The following METAP2 variants were observed in gnomAD, a reference collection of about 807,000 sequenced individuals.
METAP2 encodes methionyl aminopeptidase 2.
Under a neutral mutation model 59.4 loss-of-function variants are expected in METAP2, and 25 were observed. The observed-to-expected ratio is 0.42, with a 90% CI of 0.31 to 0.59. METAP2 has a LOEUF of 0.59. METAP2 is among the 20% of genes least tolerant of loss of function. METAP2 has a pLI of 0.16. For missense variants in METAP2, 366 were observed against 581.2 expected, an observed-to-expected ratio of 0.63 and a Z score of 3.81; for synonymous variants, 214 against 194.1, an observed-to-expected ratio of 1.10 and a Z score of -0.85.
intron 2 of METAP2, chr12:95,482,215 T>A (rs773300400): frequency 2.2e-6 from 1 of 446,532 alleles, no homozygotes; most frequent in Non-Finnish European, 4.5e-6. Context: ...GCTCAGGTGA[T>A]CCTCCCACAT....
At chr12:95,512,119 C>T (rs2076407358) in intron 9 of METAP2, 121 bp downstream of exon 9, 3 of 648,562 alleles carry the variant, frequency 4.6e-6, no homozygotes, top group African/African-American at 3.7e-5. Flanking sequence ...TCCATATTCA[C>T]CCTGCCAGGA....
intron 7 of METAP2, among the ~76,000 whole-genome samples, chr12:95,502,642 C>T (rs117323408): frequency 0.022 from 3,327 of 151,880 alleles, 56 homozygotes; most frequent in Non-Finnish European, 0.034. Context: ...TGGGGAGTTT[C>T]CAGTCATTAC....
intron 2 of METAP2, among the ~76,000 whole-genome samples, chr12:95,478,741 T>C (rs1245506427): frequency 2.6e-5 from 4 of 152,138 alleles, no homozygotes; most frequent in Non-Finnish European, 5.9e-5. Context: ...TTTGGTGGTA[T>C]AAGTGTGGGC....
chr12:95,495,970 T>C (rs921322702), intron 6 of METAP2, 34 bp from the exon 7 acceptor site: 1 of 1,258,752 alleles, frequency 7.9e-7, no homozygotes, highest in Non-Finnish European at 1.1e-6. Context: ...GACTAGCTGA[T>C]AAGTAAAATT....
intron 4 of METAP2, among the ~76,000 whole-genome samples, chr12:95,488,094 G>T (rs568335045): frequency 6.6e-6 from 1 of 152,092 alleles, no homozygotes; most frequent in African/African-American, 2.4e-5. Flanking sequence ...ATAATTTCCA[G>T]TTCTTATACT....
intron 3 of METAP2, among the ~76,000 whole-genome samples, chr12:95,483,923 TTAA>T (rs2076177722): frequency 6.6e-6 from 1 of 152,144 alleles, no homozygotes; most frequent in African/African-American, 2.4e-5. Flanking sequence ...GACTTTATTA[TTAA>T]TAATAACTTT....
At chr12:95,499,038 T>A (rs1040951921) in intron 7 of METAP2, among the ~76,000 whole-genome samples, 1 of 151,980 alleles carries the variant, frequency 6.6e-6, no homozygotes, top group Non-Finnish European at 1.5e-5. Context: ...AGAAATCATT[T>A]GTTTTTGTAA....
rs184030892 is a variant in METAP2, at chr12:95,489,592, A to G, written c.428+3611A>G. 7.7e-3 allele frequency among the ~76,000 whole-genome samples: 1,166 copies of G among 152,334 alleles called. 9 individuals are homozygous for G. The highest frequency in any genetic ancestry group is 0.014 in the Middle Eastern group (4 of 294). On this transcript the variant is annotated intron_variant, in intron 4 of 10. Coordinates refer to ENST00000323666, the MANE Select transcript of METAP2 (RefSeq NM_006838.4). ...GTATCTTTCCTTCATTGTTTTATTA[A>G]TAAACTTTTATTAGAAATTGAATGA...
At chr12:95,504,824 T>G (rs548575777) in intron 8 of METAP2, among the ~76,000 whole-genome samples, 1 of 152,306 alleles carries the variant, frequency 6.6e-6, no homozygotes, top group African/African-American at 2.4e-5. Flanking sequence ...TGGAATCACA[T>G]TCAGAATTTG....
chr12:95,479,781 G>C (rs184814060), intron 2 of METAP2, among the ~76,000 whole-genome samples: 1 of 152,018 alleles, frequency 6.6e-6, no homozygotes, highest in Non-Finnish European at 1.5e-5. Flanking sequence ...GCTAATTTTT[G>C]TATTTTTAGT....
chr12:95,496,519 T>G lies in METAP2; in HGVS notation c.867+421T>G, dbSNP rs146169737. ...ACATAGGTATATTTGTTAAAATCAT[T>G]TGAACTAGCATTGACCACATCACAA... On this transcript the variant is annotated intron_variant, in intron 7 of 10. Transcript: ENST00000323666. Among the ~76,000 whole-genome samples the G allele has an allele frequency of 7.1e-3, 1,083 of 152,328 alleles. 12 individuals are homozygous for G. Among genetic ancestry groups the G allele is most frequent in the African/African-American group, 0.024 (1,014 of 41,560 alleles).
intron 7 of METAP2, 65 bp from the exon 8 acceptor site, chr12:95,503,998 TAC>T: frequency 1.7e-6 from 2 of 1,178,664 alleles, no homozygotes; most frequent in Non-Finnish European, 2.5e-6. Flanking sequence ...TTTTAAATGT[TAC>T]AAAATTAAGT....
Position 95,476,142 on chromosome 12 carries a change from G to C in METAP2, c.223G>C (p.Ala75Pro). 6.2e-7 allele frequency: 1 copy of C among 1,610,918 alleles called. No individual in the cohort carries two copies. The highest frequency in any genetic ancestry group is 8.5e-7 in the Non-Finnish European group (1 of 1,178,270). ...DEVARQLERS[A>P]LEDKERDEDD... ...AGTAGCAAGACAGTTGGAAAGATCA[G>C]CATTGGAAGATAAAGAAAGAGATGA... The change falls in exon 2 of 11, where the codon GCA (alanine) becomes CCA (proline). Residue 75 changes from alanine to proline, a missense_variant. Transcript: ENST00000323666.
At chr12:95,509,943 A>C (rs1451173723) in intron 8 of METAP2, among the ~76,000 whole-genome samples, 3 of 143,772 alleles carry the variant, frequency 2.1e-5, no homozygotes, top group Non-Finnish European at 4.5e-5. Flanking sequence ...GGTTCAAGTG[A>C]CTCTCCTGCC....
At chr12:95,513,620 C>A in intron 10 of METAP2, 32 bp from the exon 11 acceptor site, 1 of 1,598,356 alleles carries the variant, frequency 6.3e-7, no homozygotes, top group Non-Finnish European at 8.5e-7. Context: ...AACTCTTTTG[C>A]CAACAGTTAA....
chr12:95,505,362 C>T (rs1034560328), intron 8 of METAP2, among the ~76,000 whole-genome samples: 1 of 152,206 alleles, frequency 6.6e-6, no homozygotes, highest in South Asian at 2.1e-4. Context: ...GTCTCTCGCT[C>T]TGTTGCTCAG....
At chr12:95,489,843 A>G (rs1197937193) in intron 4 of METAP2, among the ~76,000 whole-genome samples, 1 of 152,188 alleles carries the variant, frequency 6.6e-6, no homozygotes, top group African/African-American at 2.4e-5. Context: ...TGTCTCAGAA[A>G]AAAACCCAAA....
rs145704880 is a variant in METAP2, at chr12:95,476,171, T to C, written c.252T>C (p.Asp84=). 1.3e-6 allele frequency: 2 copies of C among 1,591,834 alleles called. No homozygotes were observed. The highest frequency in any genetic ancestry group is 1.7e-6 in the Non-Finnish European group (2 of 1,164,364). Residue 84 remains aspartate, a synonymous_variant, in exon 2 of 11, where the codon GAT becomes GAC. Coordinates refer to ENST00000323666, the MANE Select transcript of METAP2 (RefSeq NM_006838.4). ...TGGAAGATAAAGAAAGAGATGAAGA[T>C]GATGAAGGTAAATGGTTAATTTGAT... is the stretch of plus-strand genomic sequence containing the variant. The part of the protein sequence containing the change: ...SALEDKERDE[D]DEDGDGDGDG...
At chr12:95,487,433 T>C (rs1314693048) in intron 4 of METAP2, among the ~76,000 whole-genome samples, 2 of 152,172 alleles carry the variant, frequency 1.3e-5, no homozygotes, top group Non-Finnish European at 2.9e-5. Flanking sequence ...TCTGGAATTG[T>C]ATGACATGGG....
Sources: gnomAD v4.1 joint callset for allele counts (sites outside exome capture counted in the v4.1 genomes callset) on GRCh38, gnomAD v4.1.1 for gene constraint, MANE v1.5 for transcripts, NCBI Gene and HGNC (gene_info 2026-07-23, HGNC 2026-07-21) for gene names.